The following COL27A1 variants were observed in gnomAD, a reference collection of about 807,000 sequenced individuals.
The protein encoded by COL27A1 is collagen type XXVII alpha 1 chain.
Under a neutral mutation model 251.3 loss-of-function variants are expected in COL27A1, and 106 were observed. The ratio of observed to expected loss-of-function variants is 0.42; its 90% confidence interval spans 0.36 to 0.50. The LOEUF is 0.50. COL27A1 is among the 20% of genes least tolerant of loss of function. The probability of loss-of-function intolerance (pLI) is 0.00; values close to 1 mark genes in which losing one functional copy is unlikely to be tolerated. For synonymous variants in COL27A1, 1,000 were observed against 986.3 expected (o/e 1.01, Z -0.26); for missense variants, 2,325 against 2,522.8 (o/e 0.92, Z 1.68).
At position 114,166,176 on chromosome 9, in the gene COL27A1, C is replaced by T. The variant is rs552009164; in HGVS notation, c.134-1513C>T. Among the ~76,000 whole-genome samples the T allele has an allele frequency of 8.6e-4, 130 of 151,494 alleles. 1 individual carries two copies. The highest frequency in any genetic ancestry group is 3.0e-3 in the African/African-American group (125 of 41,256). ...CCATCCATCTACCTGTTCACCTGCCCATTTATCCATCCATTTATCTATTCA... is the reference window on the plus strand; with the variant it reads ...CCATCCATCTACCTGTTCACCTGCCTATTTATCCATCCATTTATCTATTCA... On this transcript the variant is annotated intron_variant, in intron 2 of 60. Transcript: ENST00000356083.
At chr9:114,188,623 T>C (rs1227607441) in intron 5 of COL27A1, among the ~76,000 whole-genome samples, 1 of 152,210 alleles carries the variant, frequency 6.6e-6, no homozygotes, top group Non-Finnish European at 1.5e-5. Flanking sequence ...TATATTTGTA[T>C]ATACATACAC....
intron 5 of COL27A1, among the ~76,000 whole-genome samples, chr9:114,185,034 C>T (rs1021900251): frequency 2.6e-5 from 4 of 152,196 alleles, no homozygotes; most frequent in Admixed American, 6.5e-5. Context: ...GCTGGCCCTG[C>T]TCAGAGCACT....
chr9:114,229,942 C>T (rs948652810), intron 14 of COL27A1, among the ~76,000 whole-genome samples: 1 of 152,324 alleles, frequency 6.6e-6, no homozygotes, highest in East Asian at 1.9e-4. Context: ...CATCCCTGGC[C>T]TCTGCCTACC....
At chr9:114,166,445 A>G (rs868731027) in intron 2 of COL27A1, among the ~76,000 whole-genome samples, 7 of 25,072 alleles carry the variant, frequency 2.8e-4, no homozygotes, top group East Asian at 9.3e-4. Context: ...CCATTCATCT[A>G]TCCATCCATC....
chr9:114,267,176 T>C (rs1834807049), intron 33 of COL27A1, among the ~76,000 whole-genome samples: 2 of 152,202 alleles, frequency 1.3e-5, no homozygotes, highest in South Asian at 4.1e-4. Flanking sequence ...CAGCATCCAA[T>C]GGCTTCCTCC....
rs1225067137 is a variant in COL27A1, at chr9:114,162,805, G to T, written c.133+20G>T. 2.5e-6 allele frequency: 4 copies of T among 1,591,574 alleles called. No homozygotes were observed. The South Asian group carries it at 4.4e-5, about 18-fold the overall frequency. ...CTGAAGGTAATTCTCTCTTCTCTTT[G>T]TCCAGGGGGAGACAAAGGAGAACGG... On this transcript the variant is annotated intron_variant, in intron 2 of 60. Transcript: ENST00000356083.
At chr9:114,160,406 C>T (rs1057307362) in intron 1 of COL27A1, among the ~76,000 whole-genome samples, 12 of 152,070 alleles carry the variant, frequency 7.9e-5, no homozygotes, top group African/African-American at 2.2e-4. Flanking sequence ...CCGCCTGCCT[C>T]GGCCTCCCAA....
intron 15 of COL27A1, 133 bp downstream of exon 15, chr9:114,231,265 TAGGAGGA>T: frequency 1.2e-6 from 1 of 838,532 alleles, no homozygotes; most frequent in Non-Finnish European, 1.9e-6. Context: ...AGAGGGGTGC[TAGGAGGA>T]AGCTGGGCAG....
chr9:114,268,224 G>T (rs1356795359), intron 34 of COL27A1, among the ~76,000 whole-genome samples: 2 of 152,070 alleles, frequency 1.3e-5, no homozygotes, highest in African/African-American at 4.8e-5. Flanking sequence ...GGGGCTCAGA[G>T]CTCTGCCCTC....
At chr9:114,251,687 C>T (rs1564525258) in intron 25 of COL27A1, among the ~76,000 whole-genome samples, 1 of 152,290 alleles carries the variant, frequency 6.6e-6, no homozygotes, top group East Asian at 1.9e-4. Flanking sequence ...TTGACTGCGC[C>T]ATTCCCTTAG....
rs138883882 is a variant in COL27A1, at chr9:114,183,689, T to C, written c.2016+614T>C. 1.5e-3 allele frequency among the ~76,000 whole-genome samples: 228 copies of C among 152,190 alleles called. 2 individuals carry two copies. Among genetic ancestry groups the C allele is most frequent in the African/African-American group, 5.1e-3 (213 of 41,518 alleles). Reference sequence around the variant, plus strand: ...CTGGGTCCCAGGAGGAGGAGTAAGATGATGTTGCACGCAGGAACATGTAGC... The same window carrying C: ...CTGGGTCCCAGGAGGAGGAGTAAGACGATGTTGCACGCAGGAACATGTAGC... On this transcript the variant is annotated intron_variant, in intron 5 of 60. Coordinates refer to ENST00000356083, the MANE Select transcript of COL27A1 (RefSeq NM_032888.4).
chr9:114,219,889 AAC>A (rs1225646739), intron 13 of COL27A1, 45 bp downstream of exon 13: 1 of 1,434,372 alleles, frequency 7.0e-7, no homozygotes, highest in African/African-American at 1.4e-5. Context: ...ATTCTGAGTG[AAC>A]ACACAGCAGA....
chr9:114,290,471 G>A lies in COL27A1; in HGVS notation c.4368+140G>A. On this transcript the variant is annotated intron_variant, in intron 47 of 60. Coordinates refer to ENST00000356083, the MANE Select transcript of COL27A1 (RefSeq NM_032888.4). The surrounding 1 kb of genome is among the most constrained non-coding windows in gnomAD (Gnocchi z 4.6). The stretch of plus-strand genomic sequence containing the variant: ...ACACATCCAGAAGTTCTCTGGGGTG[G>A]GCAACCATCTCCTCCCCTGGCACCT... 1 of 764,574 alleles carries A rather than the reference G, an allele frequency of 1.3e-6. No individual in the cohort carries two copies. 47.4% of individuals were successfully genotyped at this position (764,574 alleles called of 1,614,324 possible).
At chr9:114,306,938 A>G in intron 58 of COL27A1, 1 of 463,118 alleles carries the variant, frequency 2.2e-6, no homozygotes, top group Non-Finnish European at 3.8e-6. Context: ...AAGAGTCCCC[A>G]CCCCTGGGGC....
intron 3 of COL27A1, 82 bp from the exon 4 acceptor site, chr9:114,178,209 C>A (rs13295729): frequency 4.3e-6 from 5 of 1,169,460 alleles, no homozygotes; most frequent in Non-Finnish European, 6.4e-6. Flanking sequence ...CAGCTGCAGG[C>A]GGGATTGTTG....
chr9:114,184,363 C>A (rs924233544), intron 5 of COL27A1, among the ~76,000 whole-genome samples: 2 of 152,266 alleles, frequency 1.3e-5, no homozygotes, highest in African/African-American at 2.4e-5. Context: ...AGTAGGGCTC[C>A]TTTTGGCCCA....
intron 1 of COL27A1, 27 bp from the exon 2 acceptor site, chr9:114,162,688 C>T (rs767002356): frequency 3.8e-6 from 6 of 1,578,348 alleles, no homozygotes; most frequent in Non-Finnish European, 4.4e-6. Context: ...GCTGATGCCG[C>T]CTCTGCTTGT....
At chr9:114,301,210 G>A in intron 52 of COL27A1, 74 bp from the exon 53 acceptor site, 2 of 1,610,126 alleles carry the variant, frequency 1.2e-6, no homozygotes, top group Non-Finnish European at 1.7e-6. Context: ...GTGCCAGTCT[G>A]AGCCTCAGTT....
At chr9:114,207,345 G>A (rs1045228678) in intron 10 of COL27A1, among the ~76,000 whole-genome samples, 1 of 152,192 alleles carries the variant, frequency 6.6e-6, no homozygotes, top group Non-Finnish European at 1.5e-5. Flanking sequence ...TACTGTGACA[G>A]GCAGGGCCTA....
Sources: gnomAD v4.1 joint callset for allele counts (sites outside exome capture counted in the v4.1 genomes callset) on GRCh38, gnomAD v4.1.1 for gene constraint, Gnocchi (gnomAD v3.1) non-coding constraint, MANE v1.5 for transcripts, NCBI Gene and HGNC (gene_info 2026-07-23, HGNC 2026-07-21) for gene names.